The following XKR4 variants were observed in gnomAD, a reference collection of about 807,000 sequenced individuals.
The protein encoded by XKR4 is XK-related protein 4.
A neutral mutation model predicts 53.9 loss-of-function variants in XKR4; 12 were observed. The observed-to-expected ratio is 0.22, with a 90% CI of 0.14 to 0.36. The LOEUF (loss-of-function observed/expected upper bound fraction) is 0.36, where lower values mean the gene tolerates loss of function less well. Among genes scored for constraint, XKR4 ranks in the 10% least tolerant of loss-of-function variants. The probability of loss-of-function intolerance (pLI) is 1.00; values close to 1 mark genes in which losing one functional copy is unlikely to be tolerated. For missense variants in XKR4, 799 were observed against 859.5 expected (o/e 0.93, Z 0.88); for synonymous variants, 354 against 362.4 (o/e 0.98, Z 0.26).
intron 1 of XKR4, among the ~76,000 whole-genome samples, chr8:55,220,928 C>A (rs1040343978): frequency 7.2e-5 from 11 of 152,202 alleles, no homozygotes; most frequent in African/African-American, 2.7e-4. Flanking sequence ...GCAGGCTCCA[C>A]GTTCGTGGTA....
At chr8:55,175,672 C>T (rs1047215890) in intron 1 of XKR4, among the ~76,000 whole-genome samples, 1 of 152,164 alleles carries the variant, frequency 6.6e-6, no homozygotes, top group Non-Finnish European at 1.5e-5. Context: ...CACCAAAAAA[C>T]ATGAGCACCG....
intron 1 of XKR4, among the ~76,000 whole-genome samples, chr8:55,158,805 T>C (rs1318048226): frequency 6.6e-6 from 1 of 152,252 alleles, no homozygotes; most frequent in Non-Finnish European, 1.5e-5. Context: ...TGTGGCATTA[T>C]TTCTGAGCTC....
chr8:55,447,724 A>T (rs1805367913), intron 2 of XKR4, among the ~76,000 whole-genome samples: 1 of 152,234 alleles, frequency 6.6e-6, no homozygotes, highest in Admixed American at 6.5e-5. Flanking sequence ...TTCAGGCAAG[A>T]CATTTTTTCT....
In XKR4 at chr8:55,125,788, A is replaced by G. The variant is rs374384981; in HGVS notation, c.806+22494A>G. 1.0e-3 allele frequency among the ~76,000 whole-genome samples: 159 copies of G among 152,338 alleles called. 2 individuals carry two copies. The highest frequency in any genetic ancestry group is 3.7e-3 in the African/African-American group (154 of 41,582). On this transcript the variant is annotated intron_variant, in intron 1 of 2. Coordinates refer to ENST00000327381, the MANE Select transcript of XKR4 (RefSeq NM_052898.2). The stretch of plus-strand genomic sequence containing the variant: ...CAATTCCCAGAAAAAAAAAATCAAC[A>G]TACAAAAAGATGAACAAGTTCATTT...
chr8:55,289,583 GAAA>G (rs1818955382), intron 1 of XKR4, among the ~76,000 whole-genome samples: 18 of 79,368 alleles, frequency 2.3e-4, no homozygotes, highest in African/African-American at 7.7e-4. Flanking sequence ...GAGAAAGGAA[GAAA>G]GAAAGAGAAA....
chr8:55,231,807 C>T (rs1339879597), intron 1 of XKR4, among the ~76,000 whole-genome samples: 9 of 152,092 alleles, frequency 5.9e-5, no homozygotes, highest in Admixed American at 5.9e-4. Context: ...AGTGGAAGTC[C>T]TTACAAATCC....
At chr8:55,370,786 G>A (rs538419073) in intron 2 of XKR4, among the ~76,000 whole-genome samples, 2 of 152,218 alleles carry the variant, frequency 1.3e-5, no homozygotes, top group South Asian at 4.2e-4. Flanking sequence ...AACAAGCGTG[G>A]CAGCATGATG....
intron 2 of XKR4, among the ~76,000 whole-genome samples, chr8:55,445,289 C>A (rs1477358400): frequency 6.6e-6 from 1 of 152,034 alleles, no homozygotes; most frequent in Non-Finnish European, 1.5e-5. Flanking sequence ...GATCTCCTGA[C>A]CTCGTGATCC....
chr8:55,105,447 C>A (rs752380889), intron 1 of XKR4, among the ~76,000 whole-genome samples: 1 of 152,128 alleles, frequency 6.6e-6, no homozygotes, highest in Non-Finnish European at 1.5e-5. Flanking sequence ...CTGACCCAGA[C>A]TTGGAGAAAC....
chr8:55,245,493 G>C (rs896581986), intron 1 of XKR4, among the ~76,000 whole-genome samples: 4 of 152,102 alleles, frequency 2.6e-5, no homozygotes, highest in African/African-American at 9.7e-5. Flanking sequence ...ACCTTTCCCT[G>C]CTAACTGTCT....
At position 55,113,284 on chromosome 8, in the gene XKR4, G is replaced by A. The variant is rs115096474; in HGVS notation, c.806+9990G>A. ...TCTCTAATCTGCTAATAGGAAAGTA[G>A]CATGTTGTCCATAAGGCATGCATCT... On this transcript the variant is annotated intron_variant, in intron 1 of 2. Coordinates refer to ENST00000327381, the MANE Select transcript of XKR4 (RefSeq NM_052898.2). Among the ~76,000 whole-genome samples the A allele has an allele frequency of 3.5e-3, 536 of 152,264 alleles. 3 individuals carry two copies. Among genetic ancestry groups the A allele is most frequent in the African/African-American group, 0.013 (523 of 41,556 alleles).
chr8:55,118,276 T>G (rs1480775), intron 1 of XKR4, among the ~76,000 whole-genome samples: 128,931 of 152,184 alleles, frequency 0.85, 54,714 homozygotes, highest in East Asian at 0.93. Context: ...ATGCTAAGTA[T>G]ATTCCATTCC....
chr8:55,377,895 T>C (rs1804173514), intron 2 of XKR4, among the ~76,000 whole-genome samples: 1 of 152,220 alleles, frequency 6.6e-6, no homozygotes, highest in Admixed American at 6.5e-5. Context: ...TAGTGAGTTC[T>C]AGGAGAAGAT....
intron 2 of XKR4, among the ~76,000 whole-genome samples, chr8:55,371,309 T>C (rs1291734605): frequency 6.6e-6 from 1 of 152,052 alleles, no homozygotes; most frequent in East Asian, 1.9e-4. Context: ...TGTGCAGCAA[T>C]GCTGGTGATC....
chr8:55,326,489 G>GTTTTTAA (rs1803296308), intron 1 of XKR4, among the ~76,000 whole-genome samples: 3 of 63,540 alleles, frequency 4.7e-5, no homozygotes, highest in African/African-American at 1.4e-4. Flanking sequence ...TTTTTTTTTG[G>GTTTTTAA]AAACAGAGTT....
At chr8:55,185,983 T>A (rs934700973) in intron 1 of XKR4, among the ~76,000 whole-genome samples, 6 of 152,194 alleles carry the variant, frequency 3.9e-5, no homozygotes, top group African/African-American at 1.4e-4. Flanking sequence ...CATTTGTAAT[T>A]GCCAAACTAT....
At chr8:55,372,806 A>G (rs1804086388) in intron 2 of XKR4, among the ~76,000 whole-genome samples, 1 of 152,216 alleles carries the variant, frequency 6.6e-6, no homozygotes, top group Non-Finnish European at 1.5e-5. Context: ...AAAAACCAGG[A>G]TCACTTCCTA....
intron 1 of XKR4, among the ~76,000 whole-genome samples, chr8:55,112,097 A>C (rs1303303213): frequency 6.6e-6 from 1 of 152,212 alleles, no homozygotes; most frequent in Non-Finnish European, 1.5e-5. Context: ...CCCCATGCCA[A>C]CATTTCAGAT....
At chr8:55,223,790 C>T (rs1236942108) in intron 1 of XKR4, among the ~76,000 whole-genome samples, 5 of 152,050 alleles carry the variant, frequency 3.3e-5, no homozygotes, top group Admixed American at 6.5e-5. Flanking sequence ...TACCTTTCGC[C>T]GGAGGGCAAC....
Sources: allele counts gnomAD v4.1 joint callset (sites outside exome capture counted in the v4.1 genomes callset), GRCh38; gene constraint gnomAD v4.1.1; transcripts MANE v1.5; gene names NCBI Gene and HGNC (gene_info 2026-07-23, HGNC 2026-07-21).